Variants in CSMD1 observed in about 807,000 individuals in gnomAD.
The protein encoded by CSMD1 is CUB and Sushi multiple domains 1.
Under a neutral mutation model 417.5 loss-of-function variants are expected in CSMD1, and 213 were observed. That is an observed-to-expected ratio of 0.51 (90% CI 0.46 to 0.57). The LOEUF is 0.57. Among genes scored for constraint, CSMD1 ranks in the 20% least tolerant of loss-of-function variants. The pLI is 0.00. For missense variants in CSMD1, 6,923 were observed against 4,529.7 expected, an observed-to-expected ratio of 1.53 and a Z score of -15.17; for synonymous variants, 2,862 against 1,736.8, an observed-to-expected ratio of 1.65 and a Z score of -16.11.
At chr8:4,871,865 G>A (rs1231132907) in intron 1 of CSMD1, among the ~76,000 whole-genome samples, 1 of 152,010 alleles carries the variant, frequency 6.6e-6, no homozygotes, top group African/African-American at 2.4e-5. Flanking sequence ...TCTCCAGTTG[G>A]TCATTGCTTG....
At chr8:4,839,129 C>G (rs1304696258) in intron 1 of CSMD1, among the ~76,000 whole-genome samples, 1 of 152,170 alleles carries the variant, frequency 6.6e-6, no homozygotes, top group African/African-American at 2.4e-5. Context: ...ACGACTTCTT[C>G]AAAAGCTGTG....
rs763885093 is a variant in CSMD1 at position 4,137,567 on chromosome 8, G to C, written c.416-105468C>G. Among the ~76,000 whole-genome samples the C allele has an allele frequency of 2.3e-5, 3 of 131,354 alleles. 1 individual carries two copies. Among genetic ancestry groups the C allele is most frequent in the Non-Finnish European group, 5.3e-5 (3 of 56,558 alleles). 86.2% of individuals were successfully genotyped at this position (131,354 alleles called of 152,430 possible). A position where few individuals can be genotyped will look rare whatever the true frequency, so the allele number is the denominator to read the frequency against. ...ATTATGTTTTCTTTGATGGTTACAA[G>C]ATTTGATGTTAATGGAACTGGTTGG... On this transcript the variant is annotated intron_variant, in intron 3 of 69. Transcript: ENST00000635120.
intron 3 of CSMD1, among the ~76,000 whole-genome samples, chr8:4,358,981 C>A (rs1801596814): frequency 6.6e-6 from 1 of 151,972 alleles, no homozygotes; most frequent in East Asian, 1.9e-4. Context: ...CACACACACA[C>A]ACATTTAAGT....
chr8:4,871,877 T>G (rs149255230), intron 1 of CSMD1, among the ~76,000 whole-genome samples: 18 of 152,216 alleles, frequency 1.2e-4, no homozygotes, highest in African/African-American at 3.9e-4. Context: ...CATTGCTTGA[T>G]GGATGACACC....
chr8:4,104,066 T>C (rs866096851), intron 3 of CSMD1, among the ~76,000 whole-genome samples: 4 of 152,144 alleles, frequency 2.6e-5, no homozygotes, highest in African/African-American at 9.7e-5. Flanking sequence ...AGTACTACAA[T>C]AGGTTCTCCC....
In CSMD1 at chr8:4,555,690, T is replaced by C. The variant is rs530560076; in HGVS notation, c.302+81652A>G. Reference sequence around the variant, plus strand: ...TCAGCAATGGAGAGGAATAAGTCTCTTTAGGGGTGAGATTCTTCACAGGAG... The same window carrying C: ...TCAGCAATGGAGAGGAATAAGTCTCCTTAGGGGTGAGATTCTTCACAGGAG... On this transcript the variant is annotated intron_variant, in intron 2 of 69. Transcript: ENST00000635120. 1.6e-4 allele frequency among the ~76,000 whole-genome samples: 25 copies of C among 152,288 alleles called. No homozygotes were observed. In the East Asian group the frequency reaches 2.5e-3, roughly 15 times the overall value.
chr8:3,906,620 C>G (rs1010882297), intron 5 of CSMD1, among the ~76,000 whole-genome samples: 2 of 147,714 alleles, frequency 1.4e-5, no homozygotes, highest in Non-Finnish European at 3.0e-5. Flanking sequence ...ATCTAACAAA[C>G]CTAAGCTTTT....
intron 2 of CSMD1, among the ~76,000 whole-genome samples, chr8:4,447,738 T>C (rs933755729): frequency 6.6e-6 from 1 of 152,110 alleles, no homozygotes; most frequent in Admixed American, 6.5e-5. Flanking sequence ...GTCTCCAAAT[T>C]AAGATTTAAG....
intron 33 of CSMD1, among the ~76,000 whole-genome samples, chr8:3,198,567 G>T (rs527581692): frequency 6.7e-4 from 102 of 152,256 alleles, no homozygotes; most frequent in African/African-American, 2.4e-3. Flanking sequence ...ACTTACACAG[G>T]ATCAGAGAGA....
At chr8:3,628,039 T>A (rs1022114674) in intron 7 of CSMD1, among the ~76,000 whole-genome samples, 1 of 152,164 alleles carries the variant, frequency 6.6e-6, no homozygotes, top group Non-Finnish European at 1.5e-5. Context: ...CAATGTAATA[T>A]AAAGCAGATT....
chr8:4,424,413 G>C lies in CSMD1; in HGVS notation c.303-4348C>G, dbSNP rs973998181. On this transcript the variant is annotated intron_variant, in intron 2 of 69. Transcript: ENST00000635120. ...AGTCAGGTGACCTAAAGGACATCCA[G>C]ACGGCAAATAAGCCCACGAATATTT... Among the ~76,000 whole-genome samples, 8 of 151,952 alleles carry C rather than the reference G, an allele frequency of 5.3e-5. 1 individual carries two copies. Among genetic ancestry groups the C allele is most frequent in the Non-Finnish European group, 1.0e-4 (7 of 67,972 alleles).
intron 5 of CSMD1, among the ~76,000 whole-genome samples, chr8:3,905,206 AT>A (rs554892634): frequency 3.3e-5 from 5 of 152,208 alleles, no homozygotes; most frequent in East Asian, 3.9e-4. Context: ...AAAAGATAAT[AT>A]TTTTTCTGCA....
At chr8:4,061,988 C>T (rs750606853) in intron 3 of CSMD1, among the ~76,000 whole-genome samples, 7 of 152,072 alleles carry the variant, frequency 4.6e-5, no homozygotes, top group African/African-American at 1.4e-4. Flanking sequence ...CCCCCTGCTG[C>T]CCTGTCTGAG....
At chr8:3,473,154 C>T (rs113377067) in intron 11 of CSMD1, among the ~76,000 whole-genome samples, 21 of 152,240 alleles carry the variant, frequency 1.4e-4, no homozygotes, top group East Asian at 5.8e-4. Context: ...ACCTCTCAGT[C>T]GATATATTTA....
At chr8:4,053,126 C>T (rs1407176725) in intron 3 of CSMD1, among the ~76,000 whole-genome samples, 3 of 152,172 alleles carry the variant, frequency 2.0e-5, no homozygotes, top group African/African-American at 4.8e-5. Flanking sequence ...GCCCAGGAAG[C>T]TTCTCCATGG....
At chr8:3,479,420 A>C (rs919222456) in intron 11 of CSMD1, among the ~76,000 whole-genome samples, 32 of 152,210 alleles carry the variant, frequency 2.1e-4, no homozygotes, top group African/African-American at 7.7e-4. Context: ...GGCTGGGATT[A>C]CAGGCATGCA....
chr8:3,774,189 C>G (rs1207101990), intron 5 of CSMD1, among the ~76,000 whole-genome samples: 1 of 152,176 alleles, frequency 6.6e-6, no homozygotes, highest in Non-Finnish European at 1.5e-5. Flanking sequence ...CACCGCCTGA[C>G]CCTTCAACCT....
chr8:3,389,611 T>C (rs1811222547), intron 17 of CSMD1, among the ~76,000 whole-genome samples: 1 of 145,300 alleles, frequency 6.9e-6, no homozygotes, highest in Non-Finnish European at 1.5e-5. Flanking sequence ...ACGATTATCT[T>C]AGAATAAGTG....
intron 3 of CSMD1, among the ~76,000 whole-genome samples, chr8:4,047,154 C>T (rs563763616): frequency 1.4e-3 from 209 of 152,244 alleles, no homozygotes; most frequent in African/African-American, 4.8e-3. Flanking sequence ...GCAACGGTTC[C>T]GTGAGCCTGA....
Sources: gnomAD v4.1 joint callset for allele counts (sites outside exome capture counted in the v4.1 genomes callset) on GRCh38, gnomAD v4.1.1 for gene constraint, MANE v1.5 for transcripts, NCBI Gene and HGNC (gene_info 2026-07-23, HGNC 2026-07-21) for gene names.